Variants in AKAP9 observed in about 807,000 individuals in gnomAD.
AKAP9 encodes the protein A-kinase anchor protein 9.
A neutral mutation model predicts 488.5 loss-of-function variants in AKAP9; 311 were observed. That is an observed-to-expected ratio of 0.64 (90% confidence interval 0.58 to 0.70). AKAP9 has a LOEUF of 0.70. AKAP9 is among the 30% of genes least tolerant of loss of function. AKAP9 has a pLI of 0.00. For synonymous variants in AKAP9, 1,462 were observed against 1,483.5 expected (o/e 0.99, Z 0.33); for missense variants, 4,215 against 4,374.5 (o/e 0.96, Z 1.03).
chr7:92,001,364 G>A lies in AKAP9; in HGVS notation c.1447G>A (p.Val483Ile), dbSNP rs1198570498. The change falls in exon 8 of 50, where the codon GTT becomes ATT. Residue 483 changes from valine (V) to isoleucine (I), a missense_variant. Around this residue, in one of 5 missense-constraint regions of AKAP9, gnomAD observed 2,361 missense variants for 2,430.0 expected, o/e 0.97. Transcript: ENST00000356239. The stretch of plus-strand genomic sequence containing the variant: ...TTTAAGGTCATATTCAAATATTACA[G>A]TTAATGAAGATCAGATAAAGTTAAT... ...NALRSYSNIT[V>I]NEDQIKLMNV... 1 of 1,613,826 alleles carries A rather than the reference G, an allele frequency of 6.2e-7. No individual in the cohort carries two copies. The highest frequency in any genetic ancestry group is 8.5e-7 in the Non-Finnish European group (1 of 1,179,794).
Position 92,093,205 on chromosome 7 carries a change from C to A in AKAP9, c.9467C>A (p.Ser3156Tyr). The A allele has an allele frequency of 6.2e-7, 1 of 1,614,164 alleles. No homozygotes were observed. The highest frequency in any genetic ancestry group is 8.5e-7 in the Non-Finnish European group (1 of 1,180,016). Residue 3156 changes from serine (S) to tyrosine (Y), a missense_variant, in exon 39 of 50, where the codon TCT (serine) becomes TAT (tyrosine). By Grantham distance (144) the Ser-to-Tyr change is moderately radical. Around this residue, in one of 5 missense-constraint regions of AKAP9, gnomAD observed 1,476 missense variants for 1,477.4 expected, o/e 1.00. Coordinates refer to ENST00000356239, the MANE Select transcript of AKAP9 (RefSeq NM_005751.5). Reference sequence around the variant, plus strand: ...ACGGAACTGCAGGAGCAGCTGAGTTCTGAGAAAATGGTGGTTGCTGAACTG... The same window carrying A: ...ACGGAACTGCAGGAGCAGCTGAGTTATGAGAAAATGGTGGTTGCTGAACTG... ...RATELQEQLS[S>Y]EKMVVAELKS...
intron 31 of AKAP9, among the ~76,000 whole-genome samples, chr7:92,081,530 C>T (rs1813585084): frequency 7.1e-6 from 1 of 139,942 alleles, no homozygotes; most frequent in South Asian, 2.2e-4. Flanking sequence ...GAGGTTTCTC[C>T]ATGTTAGCCA....
chr7:92,030,640 C>CAAA (rs60461811), intron 15 of AKAP9, among the ~76,000 whole-genome samples: 1 of 49,186 alleles, frequency 2.0e-5, no homozygotes, highest in East Asian at 6.2e-4. Context: ...AGACTGTCGC[C>CAAA]AAAAAAAAAA....
chr7:92,048,789 C>G (rs1337859163), intron 21 of AKAP9, among the ~76,000 whole-genome samples: 1 of 152,156 alleles, frequency 6.6e-6, no homozygotes, highest in African/African-American at 2.4e-5. Context: ...TACCTGTAAT[C>G]CCAGCTATTC....
chr7:91,947,696 C>A (rs1791644810), intron 1 of AKAP9, among the ~76,000 whole-genome samples: 1 of 152,174 alleles, frequency 6.6e-6, no homozygotes, highest in East Asian at 1.9e-4. Context: ...TTGGAATAAT[C>A]TTATGATGTG....
intron 9 of AKAP9, 36 bp from the exon 10 acceptor site, chr7:92,014,213 A>C (rs1801185090): frequency 1.4e-6 from 2 of 1,419,878 alleles, no homozygotes; most frequent in South Asian, 2.3e-5. Context: ...TTAAGTATGT[A>C]AATTGAATTT....
chr7:92,099,866 T>C lies in AKAP9; in HGVS notation c.10893T>C (p.Asp3631=). The change falls in exon 44 of 50, where the codon GAT becomes GAC. Residue 3631 remains aspartate, a synonymous_variant. Transcript: ENST00000356239. The stretch of plus-strand genomic sequence containing the variant: ...ATCGACAGACAGGAGCTGGTAGAGA[T>C]AATGTATGTCCATTTTTAGCATCTC... ...RWYRQTGAGR[D]NSSRFSLNGG... is the part of the protein sequence containing the mutation. 1 of 1,613,946 alleles carries C rather than the reference T, an allele frequency of 6.2e-7. No individual in the cohort carries two copies. The highest frequency in any genetic ancestry group is 8.5e-7 in the Non-Finnish European group (1 of 1,179,870).
At position 92,021,999 on chromosome 7, in the gene AKAP9, C is replaced by T. The variant is rs1284571956; in HGVS notation, c.3838-239C>T. 2.0e-5 allele frequency among the ~76,000 whole-genome samples: 3 copies of T among 152,204 alleles called. No homozygotes were observed. In the East Asian group the frequency reaches 5.8e-4, roughly 29 times the overall value. ...CTTGTTTTTGTAGTAAAATGAACTT[C>T]CTTTCAGATATCAAAGAACATTACT... On this transcript the variant is annotated intron_variant, in intron 12 of 49. Transcript: ENST00000356239.
intron 38 of AKAP9, among the ~76,000 whole-genome samples, chr7:92,090,964 A>G (rs1029499002): frequency 1.3e-5 from 2 of 152,170 alleles, no homozygotes; most frequent in Admixed American, 1.3e-4. Flanking sequence ...TCTGTTGCCA[A>G]TCTGATGGGT....
At chr7:91,942,241 T>C (rs1790854094) in intron 1 of AKAP9, among the ~76,000 whole-genome samples, 1 of 152,192 alleles carries the variant, frequency 6.6e-6, no homozygotes, top group Non-Finnish European at 1.5e-5. Context: ...GTTAGTGATT[T>C]ATTATCAATG....
intron 2 of AKAP9, among the ~76,000 whole-genome samples, chr7:91,979,273 T>C (rs1369019367): frequency 1.3e-5 from 2 of 151,934 alleles, no homozygotes; most frequent in Non-Finnish European, 2.9e-5. Flanking sequence ...CTCACAATCA[T>C]GGTGGAAGGC....
chr7:91,984,070 A>G (rs1157073292), intron 3 of AKAP9, among the ~76,000 whole-genome samples: 1 of 152,082 alleles, frequency 6.6e-6, no homozygotes, highest in Non-Finnish European at 1.5e-5. Context: ...ATTTTCTCCC[A>G]TTCTGTAGGT....
chr7:92,042,238 A>T, intron 19 of AKAP9, 52 bp downstream of exon 19: 1 of 1,610,636 alleles, frequency 6.2e-7, no homozygotes, highest in Non-Finnish European at 8.5e-7. Flanking sequence ...ATTCAGTAGG[A>T]TTTGTTTGTC....
intron 1 of AKAP9, 171 bp from the exon 2 acceptor site, chr7:91,973,540 T>G: frequency 2.8e-6 from 2 of 713,482 alleles, no homozygotes; most frequent in Non-Finnish European, 4.6e-6. Flanking sequence ...CAGAAATGTT[T>G]CTTTGCATTC....
intron 3 of AKAP9, among the ~76,000 whole-genome samples, chr7:91,990,068 A>T (rs1042046155): frequency 6.6e-6 from 1 of 152,086 alleles, no homozygotes; most frequent in African/African-American, 2.4e-5. Flanking sequence ...ATCTGTACAG[A>T]TAGAGTAAAT....
intron 1 of AKAP9, among the ~76,000 whole-genome samples, chr7:91,955,616 C>T (rs1161805953): frequency 3.3e-5 from 5 of 152,158 alleles, no homozygotes; most frequent in Non-Finnish European, 2.9e-5. Flanking sequence ...TAGGAATTTA[C>T]GTCAGTATCC....
At chr7:91,981,323 G>GA (rs1584689322) in intron 3 of AKAP9, among the ~76,000 whole-genome samples, 1 of 151,572 alleles carries the variant, frequency 6.6e-6, no homozygotes, top group Non-Finnish European at 1.5e-5. Context: ...AAAATATTCT[G>GA]AAAAAATAAA....
chr7:92,061,584 C>CTAATATATA, intron 23 of AKAP9, among the ~76,000 whole-genome samples, 162 bp downstream of exon 23: 1 of 102,468 alleles, frequency 9.8e-6, no homozygotes, highest in Non-Finnish European at 1.9e-5. Context: ...ATTTTTAAAA[C>CTAATATATA]TATATATATA....
At position 92,002,208 on chromosome 7, in the gene AKAP9, A is replaced by G; in HGVS notation, c.2291A>G (p.Asn764Ser). 1.9e-6 allele frequency: 3 copies of G among 1,591,280 alleles called. No homozygotes were observed. Among genetic ancestry groups the G allele is most frequent in the Non-Finnish European group, 2.6e-6 (3 of 1,174,208 alleles). Residue 764 changes from asparagine (N) to serine (S), a missense_variant, in exon 8 of 50, where the codon AAT (asparagine) becomes AGT (serine). Around this residue, in one of 5 missense-constraint regions of AKAP9, gnomAD observed 2,361 missense variants for 2,430.0 expected, o/e 0.97. Coordinates refer to ENST00000356239, the MANE Select transcript of AKAP9 (RefSeq NM_005751.5). ...LLEKQMKEKE[N>S]DLQEKFAQLE... ...GAAAAACAGATGAAGGAAAAAGAGA[A>G]TGATCTTCAAGAAAAATTTGCACAA...
Sources: gnomAD v4.1 joint callset for allele counts (sites outside exome capture counted in the v4.1 genomes callset) on GRCh38, gnomAD v4.1.1 for gene constraint, gnomAD v4.1.1 regional missense constraint, MANE v1.5 for transcripts, NCBI Gene and HGNC (gene_info 2026-07-23, HGNC 2026-07-21) for gene names.